The following RAP1GAP variants were observed in gnomAD, a reference collection of about 807,000 sequenced individuals.
RAP1GAP encodes rap1 GTPase-activating protein 1.
In RAP1GAP, 35 loss-of-function variants were observed where a neutral mutation model predicts 87.2. That is an observed-to-expected ratio of 0.40 (90% CI 0.31 to 0.53). RAP1GAP has a LOEUF of 0.53. Among genes scored for constraint, RAP1GAP ranks in the 20% least tolerant of loss-of-function variants. The pLI, the probability that RAP1GAP is intolerant of heterozygous loss-of-function variation, is 0.48. For synonymous variants in RAP1GAP, 375 were observed against 363.9 expected, an observed-to-expected ratio of 1.03 and a Z score of -0.35; for missense variants, 734 against 898.9, an observed-to-expected ratio of 0.82 and a Z score of 2.35.
At chr1:21,652,879 C>T (rs145226424) in intron 1 of RAP1GAP, among the ~76,000 whole-genome samples, 62 of 152,336 alleles carry the variant, frequency 4.1e-4, no homozygotes, top group African/African-American at 1.5e-3. Context: ...ATCCTTCCCC[C>T]AGGCCCTGCA....
chr1:21,666,609 G>C (rs1166111966), intron 1 of RAP1GAP, among the ~76,000 whole-genome samples: 1 of 152,172 alleles, frequency 6.6e-6, no homozygotes, highest in African/African-American at 2.4e-5. Context: ...CAGAAAAGAG[G>C]GAGGAAGGGG....
chr1:21,626,236 C>G, intron 3 of RAP1GAP, 68 bp downstream of exon 3: 1 of 1,381,254 alleles, frequency 7.2e-7, no homozygotes, highest in Non-Finnish European at 1.0e-6. Flanking sequence ...TGGGCCTTTC[C>G]CAGCCCTGGG....
intron 2 of RAP1GAP, among the ~76,000 whole-genome samples, chr1:21,639,764 CGG>C (rs2151274100): frequency 6.6e-6 from 1 of 152,270 alleles, no homozygotes; most frequent in South Asian, 2.1e-4. Context: ...CAGACTCAGC[CGG>C]TGGGCGGGGC....
rs1467142102 is a variant in RAP1GAP, at chr1:21,622,135, G to C, written c.-18-2085C>G. On this transcript the variant is annotated intron_variant, in intron 3 of 24. Coordinates refer to ENST00000374765, the MANE Select transcript of RAP1GAP (RefSeq NM_002885.4). The surrounding 1 kb of genome is among the most constrained non-coding windows in gnomAD (Gnocchi z 5.7). ...AGCCCAGAGCCACAGTGCCACCCGG[G>C]AGGCCACAGCAAGAGCCCCAGGGTC... Among the ~76,000 whole-genome samples the C allele has an allele frequency of 6.6e-6, 1 of 152,182 alleles. No homozygotes were observed.
intron 2 of RAP1GAP, among the ~76,000 whole-genome samples, chr1:21,644,058 C>A (rs1026340863): frequency 2.0e-5 from 3 of 152,140 alleles, no homozygotes; most frequent in African/African-American, 7.2e-5. Flanking sequence ...GAGATGGGGA[C>A]CCATTTCTCA....
In RAP1GAP at chr1:21,608,175, T is replaced by A. The variant is rs781600127; in HGVS notation, c.1296+38A>T. 8.1e-6 allele frequency: 13 copies of A among 1,609,506 alleles called. 1 individual carries two copies. The South Asian group carries it at 9.9e-5, about 12-fold the overall frequency. ...AGCCCGGGATTCCGCCCTAGCCACG[T>A]CCCTGCTCCCCGGCCAGTTAGACCT... On this transcript the variant is annotated intron_variant, in intron 17 of 24. Transcript: ENST00000374765.
At chr1:21,628,994 T>C (rs1442273853) in intron 2 of RAP1GAP, among the ~76,000 whole-genome samples, 1 of 152,164 alleles carries the variant, frequency 6.6e-6, no homozygotes, top group Non-Finnish European at 1.5e-5. Flanking sequence ...ACTATGTGAC[T>C]GGGACTGCGT....
intron 6 of RAP1GAP, among the ~76,000 whole-genome samples, 169 bp downstream of exon 6, chr1:21,617,765 G>A (rs2149681821): frequency 6.6e-6 from 1 of 152,320 alleles, no homozygotes; most frequent in South Asian, 2.1e-4. Flanking sequence ...GGCTCAGAAG[G>A]CCTAAGGGTT....
chr1:21,651,685 G>GC, intron 1 of RAP1GAP: 1 of 612,024 alleles, frequency 1.6e-6, no homozygotes, highest in Non-Finnish European at 2.9e-6. Flanking sequence ...AGGCCCACCC[G>GC]CCCAAACGCG....
intron 2 of RAP1GAP, among the ~76,000 whole-genome samples, chr1:21,633,940 T>C (rs533170174): frequency 2.4e-4 from 36 of 152,084 alleles, no homozygotes; most frequent in African/African-American, 7.7e-4. Context: ...GAGAGGCTCC[T>C]TTGGATGAGG....
At chr1:21,626,496 T>C (rs563755051) in intron 2 of RAP1GAP, 99 bp from the exon 3 acceptor site, 109 of 977,336 alleles carry the variant, frequency 1.1e-4, no homozygotes, top group East Asian at 1.1e-3. Context: ...TGAGGGAGGA[T>C]AGACTTCACG....
chr1:21,627,119 C>T lies in RAP1GAP; in HGVS notation c.-112-722G>A, dbSNP rs113414505. ...GCTCCTATCACCCTAAAAAGCCTGC[C>T]GAGGCCACCTCTGGGGCAGGGAGAG... On this transcript the variant is annotated intron_variant, in intron 2 of 24. Coordinates refer to ENST00000374765, the MANE Select transcript of RAP1GAP (RefSeq NM_002885.4). 3.4e-3 allele frequency among the ~76,000 whole-genome samples: 525 copies of T among 152,344 alleles called. 3 individuals carry two copies. The highest frequency in any genetic ancestry group is 0.012 in the African/African-American group (499 of 41,586).
chr1:21,667,111 G>A (rs1571588402), intron 1 of RAP1GAP, among the ~76,000 whole-genome samples: 1 of 151,142 alleles, frequency 6.6e-6, no homozygotes, highest in Non-Finnish European at 1.5e-5. Flanking sequence ...CAGCACATGC[G>A]GCTGCTCAGC....
chr1:21,640,342 G>A lies in RAP1GAP; in HGVS notation c.-113+9419C>T, dbSNP rs141744098. Reference sequence around the variant, plus strand: ...GGGCCTTCATGGATTTACCTGTTGCGTTTGCACATTTCATGGTGTGACCAT... The same window carrying A: ...GGGCCTTCATGGATTTACCTGTTGCATTTGCACATTTCATGGTGTGACCAT... On this transcript the variant is annotated intron_variant, in intron 2 of 24. Coordinates refer to ENST00000374765, the MANE Select transcript of RAP1GAP (RefSeq NM_002885.4). 4.4e-3 allele frequency among the ~76,000 whole-genome samples: 664 copies of A among 152,240 alleles called. 3 individuals carry two copies. Among genetic ancestry groups the A allele is most frequent in the African/African-American group, 0.014 (582 of 41,514 alleles).
Position 21,603,960 on chromosome 1 carries a change from A to G in RAP1GAP, c.1429-1047T>C. On this transcript the variant is annotated intron_variant, in intron 18 of 24. Transcript: ENST00000374765. This position sits in a 1 kb window ranked among gnomAD's most constrained non-coding sequence, Gnocchi z 6.0. ...GGCAGAGAGAGAGAGACAGAGAGAG[A>G]GTCAGAGAGCAAGAGAGATGGTGGG... is the stretch of plus-strand genomic sequence containing the variant. 1 of 1,387,440 alleles carries G rather than the reference A, an allele frequency of 7.2e-7. No individual in the cohort carries two copies. The highest frequency in any genetic ancestry group is 9.8e-7 in the Non-Finnish European group (1 of 1,019,600). The allele number at this position is 1,387,440 out of a possible 1,614,324, so 85.9% of individuals were successfully genotyped here. A position where few individuals can be genotyped will look rare whatever the true frequency, so the allele number is the denominator to read the frequency against.
At chr1:21,648,714 GCA>G (rs2096300665) in intron 2 of RAP1GAP, among the ~76,000 whole-genome samples, 1 of 152,176 alleles carries the variant, frequency 6.6e-6, no homozygotes, top group Admixed American at 6.5e-5. Flanking sequence ...TCTGAGCATA[GCA>G]CACCATCTTG....
intron 2 of RAP1GAP, among the ~76,000 whole-genome samples, chr1:21,631,846 C>G (rs918948749): frequency 2.6e-5 from 4 of 152,222 alleles, no homozygotes; most frequent in African/African-American, 9.6e-5. Flanking sequence ...TCCAGTGTCC[C>G]TTCCACAGCG....
At position 21,622,519 on chromosome 1, in the gene RAP1GAP, G is replaced by A. The variant is rs1360815866; in HGVS notation, c.-18-2469C>T. The A allele has an allele frequency of 6.7e-6, 1 of 150,060 alleles. No homozygotes were observed. The highest frequency in any genetic ancestry group is 1.5e-5 in the Non-Finnish European group (1 of 68,478). 9.3% of individuals were successfully genotyped at this position (150,060 alleles called of 1,614,324 possible). ...TCCGGGCCCCGCAGCGCTGAGCTCC[G>A]CGCTCCCGGCTCCCGGCGGCGGCGC... is the stretch of plus-strand genomic sequence containing the variant. On this transcript the variant is annotated intron_variant, in intron 3 of 24. Coordinates refer to ENST00000374765, the MANE Select transcript of RAP1GAP (RefSeq NM_002885.4). The surrounding 1 kb of genome is among the most constrained non-coding windows in gnomAD (Gnocchi z 5.7).
In RAP1GAP at chr1:21,609,552, A is replaced by G. The variant is rs1039611329; in HGVS notation, c.1071+23T>C. 1.4e-6 allele frequency: 2 copies of G among 1,437,386 alleles called. No homozygotes were observed. Among genetic ancestry groups the G allele is most frequent in the Non-Finnish European group, 1.9e-6 (2 of 1,059,820 alleles). 89.0% of individuals were successfully genotyped at this position (1,437,386 alleles called of 1,614,324 possible). On this transcript the variant is annotated intron_variant, in intron 15 of 24. Transcript: ENST00000374765. The surrounding 1 kb of genome is among the most constrained non-coding windows in gnomAD (Gnocchi z 4.4). ...CCCACCCATTTGTCCTGCTCTGCCC[A>G]TGACTGGGGGGGTGCCCCTCACCTT...
Sources: gnomAD v4.1 joint callset for allele counts (sites outside exome capture counted in the v4.1 genomes callset) on GRCh38, gnomAD v4.1.1 for gene constraint, Gnocchi (gnomAD v3.1) non-coding constraint, MANE v1.5 for transcripts, NCBI Gene and HGNC (gene_info 2026-07-23, HGNC 2026-07-21) for gene names.